The following LRMDA variants were observed in gnomAD, a reference collection of about 807,000 sequenced individuals.
LRMDA encodes leucine-rich melanocyte differentiation-associated protein.
Under a neutral mutation model 29.8 loss-of-function variants are expected in LRMDA, and 18 were observed. That is an observed-to-expected ratio of 0.60 (90% CI 0.42 to 0.90). The LOEUF is 0.90. LRMDA is among the 40% of genes least tolerant of loss of function. LRMDA has a pLI of 0.00. For missense variants in LRMDA, 273 were observed against 273.9 expected (o/e 1.00, Z 0.02); for synonymous variants, 125 against 109.4 (o/e 1.14, Z -0.89).
intron 2 of LRMDA, among the ~76,000 whole-genome samples, chr10:75,761,637 T>A (rs1843096296): frequency 6.6e-6 from 1 of 152,190 alleles, no homozygotes; most frequent in Non-Finnish European, 1.5e-5. Context: ...ATATTGTGAA[T>A]GTACTTAATG....
rs1003012674 is a variant in LRMDA, at chr10:75,677,704, G to GA, written c.131+239216dup. Among the ~76,000 whole-genome samples the GA allele has an allele frequency of 7.2e-5, 11 of 152,158 alleles. 1 individual carries two copies. Among genetic ancestry groups the GA allele is most frequent in the African/African-American group, 2.6e-4 (11 of 41,522 alleles). On this transcript the variant is annotated intron_variant, in intron 2 of 6. Transcript: ENST00000611255. The stretch of plus-strand genomic sequence containing the variant: ...ATGTTGCAGAAACAGCAGAATTACG[G>GA]AAAAAACAAAAACTGCTTGATGATT...
chr10:76,026,162 C>T (rs985393348), intron 2 of LRMDA, among the ~76,000 whole-genome samples: 1 of 152,164 alleles, frequency 6.6e-6, no homozygotes, highest in Non-Finnish European at 1.5e-5. Context: ...ACTCGAAAAC[C>T]ATTTAGGTTC....
intron 2 of LRMDA, among the ~76,000 whole-genome samples, chr10:75,449,506 G>A (rs1844434570): frequency 6.9e-6 from 1 of 145,456 alleles, no homozygotes; most frequent in Non-Finnish European, 1.5e-5. Context: ...CTTTTGGGTG[G>A]GGATTGGGAG....
At chr10:75,735,345 C>T (rs972003357) in intron 2 of LRMDA, among the ~76,000 whole-genome samples, 3 of 152,190 alleles carry the variant, frequency 2.0e-5, no homozygotes, top group Non-Finnish European at 4.4e-5. Flanking sequence ...TGGCAGACCA[C>T]AGCATAATCC....
In LRMDA at chr10:75,844,859, A is replaced by G. The variant is rs141700714; in HGVS notation, c.132-191149A>G. ...AATAGAAAAGTGAGCTGGGATGTAC[A>G]TATGAAGCCCTTTATGAATTTTATG... On this transcript the variant is annotated intron_variant, in intron 2 of 6. Transcript: ENST00000611255. Among the ~76,000 whole-genome samples, 905 of 152,320 alleles carry G rather than the reference A, an allele frequency of 5.9e-3. 11 individuals are homozygous for G. Among genetic ancestry groups the G allele is most frequent in the African/African-American group, 0.02 (829 of 41,570 alleles).
At chr10:75,859,219 G>A (rs1844877519) in intron 2 of LRMDA, among the ~76,000 whole-genome samples, 1 of 152,174 alleles carries the variant, frequency 6.6e-6, no homozygotes, top group Admixed American at 6.5e-5. Context: ...TTTCTCTTGA[G>A]TATGTTCTAA....
intron 6 of LRMDA, among the ~76,000 whole-genome samples, chr10:76,468,189 A>G (rs1252005179): frequency 6.6e-6 from 1 of 152,172 alleles, no homozygotes; most frequent in Non-Finnish European, 1.5e-5. Context: ...CAGAGCCACT[A>G]TATGTTTTGT....
At chr10:76,149,634 G>A (rs1313607384) in intron 5 of LRMDA, among the ~76,000 whole-genome samples, 2 of 152,136 alleles carry the variant, frequency 1.3e-5, no homozygotes, top group Admixed American at 6.5e-5. Flanking sequence ...AGGGGTCTCC[G>A]TAGTGTGACT....
chr10:75,716,753 T>C (rs1229557815), intron 2 of LRMDA, among the ~76,000 whole-genome samples: 1 of 152,156 alleles, frequency 6.6e-6, no homozygotes, highest in African/African-American at 2.4e-5. Context: ...AAATGGTAAT[T>C]TCAGGAGCCC....
rs147663360 is a variant in LRMDA, at chr10:76,021,912, G to A, written c.132-14096G>A. Reference sequence around the variant, plus strand: ...AGATATTTTTTCAATGTTGCGCTTTGCATACGCTTTTTCCTATGCAGAAAG... The same window carrying A: ...AGATATTTTTTCAATGTTGCGCTTTACATACGCTTTTTCCTATGCAGAAAG... On this transcript the variant is annotated intron_variant, in intron 2 of 6. Coordinates refer to ENST00000611255, the MANE Select transcript of LRMDA (RefSeq NM_001305581.2). Among the ~76,000 whole-genome samples the A allele has an allele frequency of 1.3e-3, 201 of 152,302 alleles. 1 individual carries two copies. Among genetic ancestry groups the A allele is most frequent in the African/African-American group, 4.4e-3 (183 of 41,568 alleles).
At chr10:75,735,297 G>A (rs751437438) in intron 2 of LRMDA, among the ~76,000 whole-genome samples, 7 of 152,146 alleles carry the variant, frequency 4.6e-5, no homozygotes, top group Admixed American at 3.3e-4. Flanking sequence ...TTGTTTTGGG[G>A]GGTGTTGATG....
At chr10:76,211,743 C>T (rs1851637654) in intron 5 of LRMDA, among the ~76,000 whole-genome samples, 2 of 152,198 alleles carry the variant, frequency 1.3e-5, no homozygotes, top group African/African-American at 4.8e-5. Context: ...AATAGAAATG[C>T]AGTGTTTGCT....
intron 2 of LRMDA, among the ~76,000 whole-genome samples, chr10:76,005,713 G>A (rs753969814): frequency 2.0e-5 from 3 of 152,114 alleles, no homozygotes; most frequent in Non-Finnish European, 1.5e-5. Context: ...GGCAGATTAC[G>A]AGGTCAGGAG....
rs34805105 is a variant in LRMDA, at chr10:76,367,430, A to AT, written c.601+42956dup. ...GTTGTTTTAATTTTTTTAATTTTTA[A>AT]TTTTTTTTTTTGAGGTGGAGTTTTG... is the stretch of plus-strand genomic sequence containing the variant. On this transcript the variant is annotated intron_variant, in intron 6 of 6. Coordinates refer to ENST00000611255, the MANE Select transcript of LRMDA (RefSeq NM_001305581.2). 2.8e-4 allele frequency among the ~76,000 whole-genome samples: 41 copies of AT among 148,474 alleles called. 1 individual carries two copies. In the East Asian group the frequency reaches 6.8e-3, roughly 25 times the overall value.
intron 6 of LRMDA, among the ~76,000 whole-genome samples, chr10:76,324,885 CTATGT>C (rs1422043844): frequency 1.3e-5 from 2 of 152,228 alleles, no homozygotes; most frequent in East Asian, 3.9e-4. Context: ...TGAATGAACT[CTATGT>C]TATAACTAAA....
At chr10:75,557,622 A>G (rs750971944) in intron 2 of LRMDA, among the ~76,000 whole-genome samples, 3 of 152,130 alleles carry the variant, frequency 2.0e-5, no homozygotes, top group Non-Finnish European at 4.4e-5. Flanking sequence ...CCAACTCTAC[A>G]TAGTTTTCAG....
intron 6 of LRMDA, among the ~76,000 whole-genome samples, chr10:76,550,110 TC>T (rs1485440932): frequency 1.3e-5 from 2 of 152,102 alleles, no homozygotes; most frequent in Non-Finnish European, 1.5e-5. Flanking sequence ...AAAGAATTGA[TC>T]CCATTGAAAA....
At chr10:76,365,853 A>G (rs1379960849) in intron 6 of LRMDA, among the ~76,000 whole-genome samples, 4 of 152,086 alleles carry the variant, frequency 2.6e-5, no homozygotes, top group Non-Finnish European at 4.4e-5. Flanking sequence ...TTCCAATGTT[A>G]TCTTCTAGAA....
At chr10:76,150,957 G>A (rs1260338676) in intron 5 of LRMDA, among the ~76,000 whole-genome samples, 3 of 152,022 alleles carry the variant, frequency 2.0e-5, no homozygotes, top group East Asian at 1.9e-4. Flanking sequence ...TGAGTCCAGG[G>A]GAGTGATGCC....
Sources: allele counts gnomAD v4.1 joint callset (sites outside exome capture counted in the v4.1 genomes callset), GRCh38; gene constraint gnomAD v4.1.1; transcripts MANE v1.5; gene names NCBI Gene and HGNC (gene_info 2026-07-23, HGNC 2026-07-21).